PTPN2: variants seen among roughly 807,000 people sequenced by gnomAD.
PTPN2 encodes the protein protein tyrosine phosphatase non-receptor type 2.
A neutral mutation model predicts 57.3 loss-of-function variants in PTPN2; 19 were observed. The observed-to-expected ratio is 0.33, with a 90% CI of 0.23 to 0.49. The LOEUF is 0.49. Among genes scored for constraint, PTPN2 ranks in the 20% least tolerant of loss-of-function variants. PTPN2 has a pLI of 0.99. For synonymous variants in PTPN2, 153 were observed against 164.9 expected, an observed-to-expected ratio of 0.93 and a Z score of 0.55; for missense variants, 358 against 501.1, an observed-to-expected ratio of 0.71 and a Z score of 2.73.
intron 7 of PTPN2, among the ~76,000 whole-genome samples, chr18:12,808,743 T>C (rs142849366): frequency 0.02 from 3,028 of 152,266 alleles, 51 homozygotes; most frequent in Non-Finnish European, 0.032. Flanking sequence ...ATCACACCAC[T>C]GCACTCCTGG....
intron 4 of PTPN2, among the ~76,000 whole-genome samples, chr18:12,826,474 C>T (rs1181275340): frequency 1.3e-5 from 2 of 152,296 alleles, no homozygotes; most frequent in Admixed American, 1.3e-4. Context: ...CACTGTAAGC[C>T]AGTTTTAGAA....
chr18:12,825,500 G>C (rs757505244), intron 5 of PTPN2, among the ~76,000 whole-genome samples: 2 of 152,136 alleles, frequency 1.3e-5, no homozygotes, highest in Non-Finnish European at 2.9e-5. Context: ...CTACTAAGCA[G>C]CAGAGCTGGA....
intron 6 of PTPN2, 63 bp downstream of exon 6, chr18:12,817,093 C>T: frequency 6.9e-7 from 1 of 1,439,836 alleles, no homozygotes; most frequent in Non-Finnish European, 9.6e-7. Context: ...TATTCACTGC[C>T]AGTGGAAGCA....
intron 8 of PTPN2, among the ~76,000 whole-genome samples, chr18:12,797,295 C>T (rs914046960): frequency 2.6e-5 from 4 of 151,408 alleles, no homozygotes; most frequent in East Asian, 3.9e-4. Context: ...ATTTTCATTG[C>T]GGTATAGAAG....
At chr18:12,810,609 CT>C (rs1370073035) in intron 7 of PTPN2, among the ~76,000 whole-genome samples, 3 of 152,042 alleles carry the variant, frequency 2.0e-5, no homozygotes, top group Non-Finnish European at 4.4e-5. Context: ...CCACGGCTGG[CT>C]TTTTTGTTTT....
chr18:12,826,077 C>T, intron 4 of PTPN2, 133 bp from the exon 5 acceptor site: 1 of 673,426 alleles, frequency 1.5e-6, no homozygotes. Context: ...GAAGTCACTA[C>T]TATATTCTAC....
At chr18:12,879,765 C>T (rs2044607750) in intron 1 of PTPN2, among the ~76,000 whole-genome samples, 1 of 152,338 alleles carries the variant, frequency 6.6e-6, no homozygotes, top group East Asian at 1.9e-4. Flanking sequence ...ATCAAGTTCT[C>T]CTACCACTAA....
Position 12,848,620 on chromosome 18 carries a change from C to T in PTPN2, c.160+10544G>A, listed in dbSNP as rs567064184. 2.6e-5 allele frequency among the ~76,000 whole-genome samples: 4 copies of T among 152,320 alleles called. No homozygotes were observed. In the South Asian group the frequency reaches 8.3e-4, roughly 32 times the overall value. Reference sequence around the variant, plus strand: ...TGTGTAGGTGTTCCTGGTGACAGCCCAGTTGAGGTCACAGTCAACAAGAGT... The same window carrying T: ...TGTGTAGGTGTTCCTGGTGACAGCCTAGTTGAGGTCACAGTCAACAAGAGT... On this transcript the variant is annotated intron_variant, in intron 2 of 8. Transcript: ENST00000309660.
chr18:12,866,938 G>A (rs1338605657), intron 1 of PTPN2, among the ~76,000 whole-genome samples: 1 of 151,892 alleles, frequency 6.6e-6, no homozygotes, highest in Non-Finnish European at 1.5e-5. Flanking sequence ...CCAGAAGGCG[G>A]TGGTTGCAGT....
intron 2 of PTPN2, among the ~76,000 whole-genome samples, chr18:12,858,256 C>T (rs2043662816): frequency 6.6e-6 from 1 of 152,166 alleles, no homozygotes; most frequent in African/African-American, 2.4e-5. Context: ...TTTTTCAAGT[C>T]CCTACCAACA....
rs1370111527 is a variant in PTPN2 at position 12,870,369 on chromosome 18, ATATACATATATATACG to A, written c.70-11131_70-11116del. ...TATATATGTGTATATATATGTGTAT[ATATACATATATATACG>A]TATATATGTATATATACACGTATAT... On this transcript the variant is annotated intron_variant, in intron 1 of 8. Coordinates refer to ENST00000309660, the MANE Select transcript of PTPN2 (RefSeq NM_002828.4). 1.3e-4 allele frequency among the ~76,000 whole-genome samples: 9 copies of A among 69,656 alleles called. 1 individual carries two copies. Among genetic ancestry groups the A allele is most frequent in the African/African-American group, 9.5e-4 (9 of 9,466 alleles). 45.7% of individuals were successfully genotyped at this position (69,656 alleles called of 152,430 possible). A position where few individuals can be genotyped will look rare whatever the true frequency, so the allele number is the denominator to read the frequency against.
intron 2 of PTPN2, among the ~76,000 whole-genome samples, chr18:12,852,221 C>CACACACACACAA (rs1213065608): frequency 6.6e-6 from 1 of 151,302 alleles, no homozygotes; most frequent in Non-Finnish European, 1.5e-5. Context: ...CACACACACA[C>CACACACACACAA]ACACACACAG....
In PTPN2 at chr18:12,793,432, T is replaced by C. The variant is rs2041043220; in HGVS notation, c.*846A>G. ...TCATGAAAAATAAACATATCAATAA[T>C]GGGATTTACAGAAACCAATTTCTTT... On this transcript the variant is annotated 3_prime_UTR_variant, in exon 9 of 9. Coordinates refer to ENST00000309660, the MANE Select transcript of PTPN2 (RefSeq NM_002828.4). 1.0e-6 allele frequency: 1 copy of C among 978,798 alleles called. No individual in the cohort carries two copies. Among genetic ancestry groups the C allele is most frequent in the Admixed American group, 6.2e-5 (1 of 16,246 alleles). The allele number at this position is 978,798 out of a possible 1,614,324, so 60.6% of individuals were successfully genotyped here. A position where few individuals can be genotyped will look rare whatever the true frequency, so the allele number is the denominator to read the frequency against.
At chr18:12,881,174 C>G (rs1344451983) in intron 1 of PTPN2, among the ~76,000 whole-genome samples, 2 of 152,208 alleles carry the variant, frequency 1.3e-5, no homozygotes, top group African/African-American at 4.8e-5. Context: ...GTGGCTCATG[C>G]CTGTAATCCC....
intron 1 of PTPN2, among the ~76,000 whole-genome samples, chr18:12,873,042 G>A (rs1308304490): frequency 3.3e-5 from 5 of 152,218 alleles, no homozygotes; most frequent in African/African-American, 7.2e-5. Context: ...CCAACACAGC[G>A]AAACCCCATC....
At chr18:12,832,069 C>T (rs1165870057) in intron 3 of PTPN2, among the ~76,000 whole-genome samples, 2 of 152,076 alleles carry the variant, frequency 1.3e-5, no homozygotes, top group African/African-American at 4.8e-5. Flanking sequence ...CTAGGGCTGC[C>T]CAGAGCTTCA....
In PTPN2 at chr18:12,817,156, CA is replaced by C; in HGVS notation, c.704del (p.Leu235Ter). On this transcript the variant is annotated frameshift_variant and splice_region_variant, in exon 6 of 9. Coordinates refer to ENST00000309660, the MANE Select transcript of PTPN2 (RefSeq NM_002828.4). LOFTEE classifies it high-confidence loss of function. Reference sequence around the variant, plus strand: ...AAATGAGATCGTAAGAAGCACTTACCAAAACAAGACAAGTGTCTACCAGAGA... The same window carrying C: ...AAATGAGATCGTAAGAAGCACTTACCAAACAAGACAAGTGTCTACCAGAGA... ...TFSLVDTCLV[L>X]MEKGDDINIK... 1 of 1,609,552 alleles carries C rather than the reference CA, an allele frequency of 6.2e-7. No homozygotes were observed. Among genetic ancestry groups the C allele is most frequent in the Non-Finnish European group, 8.5e-7 (1 of 1,178,674 alleles).
intron 7 of PTPN2, among the ~76,000 whole-genome samples, chr18:12,803,278 T>C (rs945411391): frequency 5.3e-5 from 8 of 151,750 alleles, no homozygotes; most frequent in Non-Finnish European, 1.0e-4. Context: ...CTTATCACTA[T>C]AGAAAATCAC....
intron 1 of PTPN2, among the ~76,000 whole-genome samples, chr18:12,882,774 C>G (rs2044704465): frequency 6.6e-6 from 1 of 152,208 alleles, no homozygotes; most frequent in Non-Finnish European, 1.5e-5. Flanking sequence ...GAAAACGTTA[C>G]TTTCTGAACA....
Sources: allele counts gnomAD v4.1 joint callset (sites outside exome capture counted in the v4.1 genomes callset), GRCh38; gene constraint gnomAD v4.1.1; transcripts MANE v1.5; gene names NCBI Gene and HGNC (gene_info 2026-07-23, HGNC 2026-07-21).